Variants in CPNE7 observed in about 807,000 individuals in gnomAD.
CPNE7 encodes copine-7.
A neutral mutation model predicts 66.5 loss-of-function variants in CPNE7; 78 were observed. The observed-to-expected ratio is 1.17, with a 90% CI of 0.98 to 1.42. The LOEUF (loss-of-function observed/expected upper bound fraction) is 1.42. Among genes scored for constraint, CPNE7 ranks in the 40% most tolerant of loss-of-function variants. CPNE7 has a pLI of 0.00. For missense variants in CPNE7, 1,012 were observed against 776.6 expected, an observed-to-expected ratio of 1.30 and a Z score of -3.60; for synonymous variants, 468 against 336.7, an observed-to-expected ratio of 1.39 and a Z score of -4.27.
intron 11 of CPNE7, among the ~76,000 whole-genome samples, chr16:89,590,627 C>A (rs1453021603): frequency 1.3e-5 from 2 of 151,260 alleles, no homozygotes; most frequent in East Asian, 3.9e-4. Context: ...ACTGCTGGAT[C>A]CAGGGAGGTC....
At chr16:89,587,193 CCCCTCA>C in intron 9 of CPNE7, 91 bp downstream of exon 9, 1 of 553,392 alleles carries the variant, frequency 1.8e-6, no homozygotes, top group African/African-American at 3.0e-5. Flanking sequence ...CCCTCCCCGC[CCCCTCA>C]GTCTGTGGCC....
At chr16:89,586,801 C>G (rs765450410) in intron 8 of CPNE7, 45 bp downstream of exon 8, 2 of 1,490,590 alleles carry the variant, frequency 1.3e-6, no homozygotes, top group South Asian at 1.1e-5. Context: ...ACAAGAGGGG[C>G]TTCCGCTGCC....
At position 89,583,690 on chromosome 16, in the gene CPNE7, C is replaced by G; in HGVS notation, c.358-7C>G. Reference sequence around the variant, plus strand: ...GCCCCTCCCTGCCTGACGCCTCTGACTTACAGATTGTGGCCCAGAAGAAGG... The same window carrying G: ...GCCCCTCCCTGCCTGACGCCTCTGAGTTACAGATTGTGGCCCAGAAGAAGG... On this transcript the variant is annotated splice_polypyrimidine_tract_variant and splice_region_variant and intron_variant, in intron 2 of 14. Coordinates refer to ENST00000319518, the MANE Select transcript of CPNE7 (RefSeq NM_153636.3). 6.2e-7 allele frequency: 1 copy of G among 1,612,780 alleles called. No individual in the cohort carries two copies. Among genetic ancestry groups the G allele is most frequent in the African/African-American group, 1.3e-5 (1 of 75,040 alleles).
At chr16:89,589,117 C>T (rs1226209655) in intron 10 of CPNE7, among the ~76,000 whole-genome samples, 1 of 152,174 alleles carries the variant, frequency 6.6e-6, no homozygotes, top group African/African-American at 2.4e-5. Flanking sequence ...CATGGTGAAA[C>T]CCCATCTCTA....
At position 89,587,069 on chromosome 16, in the gene CPNE7, C is replaced by CTA. The variant is rs1274797335; in HGVS notation, c.898_899dup (p.Met301SerfsTer40). The stretch of plus-strand genomic sequence containing the variant: ...TCCACAGGGTGTACTCCTTCCTGGA[C>CTA]TATATCATGGGCGGCTGCCAGATCC... On this transcript the variant is annotated frameshift_variant, in exon 9 of 15. Coordinates refer to ENST00000319518, the MANE Select transcript of CPNE7 (RefSeq NM_153636.3). LOFTEE classifies it high-confidence loss of function. 1 of 1,579,290 alleles carries CTA rather than the reference C, an allele frequency of 6.3e-7. No homozygotes were observed. Among genetic ancestry groups the CTA allele is most frequent in the African/African-American group, 1.3e-5 (1 of 74,094 alleles).
chr16:89,577,128 A>G (rs1483504686), intron 1 of CPNE7, among the ~76,000 whole-genome samples: 2 of 151,988 alleles, frequency 1.3e-5, no homozygotes, highest in Non-Finnish European at 2.9e-5. Context: ...ACTGCATGGG[A>G]TGGGAGAGGC....
In CPNE7 at chr16:89,596,846, A is replaced by G; in HGVS notation, c.*225A>G. ...AGGCCCCCATGCCTGGCCCTGCCTG[A>G]GCCAGGTGGGTGGAGGGAGGGAGAT... is the stretch of plus-strand genomic sequence containing the variant. On this transcript the variant is annotated 3_prime_UTR_variant, in exon 15 of 15. Coordinates refer to ENST00000319518, the MANE Select transcript of CPNE7 (RefSeq NM_153636.3). 2.1e-6 allele frequency: 1 copy of G among 472,320 alleles called. No individual in the cohort carries two copies. The highest frequency in any genetic ancestry group is 3.6e-6 in the Non-Finnish European group (1 of 278,818). 29.3% of individuals were successfully genotyped at this position (472,320 alleles called of 1,614,324 possible). A position where few individuals can be genotyped will look rare whatever the true frequency, so the allele number is the denominator to read the frequency against.
At chr16:89,582,683 T>A (rs1449021579) in intron 2 of CPNE7, among the ~76,000 whole-genome samples, 1 of 152,164 alleles carries the variant, frequency 6.6e-6, no homozygotes, top group Non-Finnish European at 1.5e-5. Context: ...CTCTTCTGTG[T>A]GGAAAGTGCC....
Position 89,591,673 on chromosome 16 carries a change from C to T in CPNE7, c.1302+413C>T, listed in dbSNP as rs1473416104. Among the ~76,000 whole-genome samples the T allele has an allele frequency of 3.3e-5, 5 of 152,110 alleles. No individual in the cohort carries two copies. In the East Asian group the frequency reaches 7.7e-4, roughly 23 times the overall value. On this transcript the variant is annotated intron_variant, in intron 13 of 14. Transcript: ENST00000319518. ...TGTGGCCCTGTATGTGTCTCTGGGG[C>T]CACAGCCAGCCTGCTGCTTTCTTTT...
intron 11 of CPNE7, among the ~76,000 whole-genome samples, chr16:89,590,170 C>T (rs1025916256): frequency 3.9e-5 from 6 of 152,218 alleles, no homozygotes; most frequent in Admixed American, 6.5e-5. Flanking sequence ...AGGCCAACTC[C>T]GTGTTCCTTC....
At chr16:89,580,033 G>A (rs569411366) in intron 2 of CPNE7, among the ~76,000 whole-genome samples, 1,686 of 44,592 alleles carry the variant, frequency 0.038, 387 homozygotes, top group African/African-American at 0.1. Flanking sequence ...CCTGTCACCC[G>A]CTGACACGGA....
At chr16:89,592,633 G>A (rs1418115444) in intron 13 of CPNE7, among the ~76,000 whole-genome samples, 1 of 148,906 alleles carries the variant, frequency 6.7e-6, no homozygotes, top group Non-Finnish European at 1.5e-5. Context: ...TAGTAGAGAC[G>A]GGGTTTCACA....
At chr16:89,583,497 C>A in intron 2 of CPNE7, 200 bp from the exon 3 acceptor site, 2 of 1,556,284 alleles carry the variant, frequency 1.3e-6, no homozygotes, top group Non-Finnish European at 1.7e-6. Context: ...AGGTGGTGGA[C>A]GTGCAGGGGT....
chr16:89,588,170 C>T (rs1170050489), intron 9 of CPNE7, among the ~76,000 whole-genome samples: 1 of 99,600 alleles, frequency 1.0e-5, no homozygotes, highest in Non-Finnish European at 2.0e-5. Context: ...GTGTCACCCG[C>T]GTGTCACCCA....
In CPNE7 at chr16:89,595,576, G is replaced by T. The variant is rs144737277; in HGVS notation, c.1512G>T (p.Gln504His). ...RGEPALRDIV[Q>H]FVPFRELKNA... Reference sequence around the variant, plus strand: ...AGCCCGCGCTCCGGGACATCGTACAGTTCGTGCCCTTCCGGGAGCTCAAGA... The same window carrying T: ...AGCCCGCGCTCCGGGACATCGTACATTTCGTGCCCTTCCGGGAGCTCAAGA... Residue 504 changes from glutamine (Q) to histidine (H), a missense_variant, in exon 14 of 15, where the codon CAG (glutamine) becomes CAT (histidine). Transcript: ENST00000319518. 1.9e-6 allele frequency: 3 copies of T among 1,607,710 alleles called. No individual in the cohort carries two copies. Among genetic ancestry groups the T allele is most frequent in the South Asian group, 1.1e-5 (1 of 90,872 alleles).
intron 12 of CPNE7, 22 bp downstream of exon 12, chr16:89,591,080 G>A (rs754830577): frequency 6.2e-7 from 1 of 1,613,552 alleles, no homozygotes; most frequent in African/African-American, 1.3e-5. Context: ...AGGCAGGCCT[G>A]GGGAGGGGAG....
At chr16:89,578,189 T>C (rs2058891256) in intron 2 of CPNE7, among the ~76,000 whole-genome samples, 2 of 151,380 alleles carry the variant, frequency 1.3e-5, no homozygotes, top group Non-Finnish European at 2.9e-5. Flanking sequence ...CTCAGCCTCC[T>C]GAGTAGCTGG....
At position 89,587,085 on chromosome 16, in the gene CPNE7, T is replaced by G. The variant is rs1178396368; in HGVS notation, c.910T>G (p.Cys304Gly). 4 of 1,570,104 alleles carry G rather than the reference T, an allele frequency of 2.5e-6. No individual in the cohort carries two copies. The highest frequency in any genetic ancestry group is 3.5e-6 in the Non-Finnish European group (4 of 1,158,372). The change falls in exon 9 of 15, where the codon TGC becomes GGC. Residue 304 changes from cysteine (C) to glycine (G), a missense_variant. Coordinates refer to ENST00000319518, the MANE Select transcript of CPNE7 (RefSeq NM_153636.3). ...YSFLDYIMGG[C>G]QIHFTVAIDF... ...CTTCCTGGACTATATCATGGGCGGC[T>G]GCCAGATCCACTTCACCGTGAGTCC...
intron 10 of CPNE7, among the ~76,000 whole-genome samples, chr16:89,589,159 G>T (rs1187685234): frequency 3.3e-5 from 5 of 152,210 alleles, no homozygotes; most frequent in Admixed American, 2.0e-4. Context: ...GGGCGTGGTG[G>T]CAGATGCCTG....
Sources: allele counts gnomAD v4.1 joint callset (sites outside exome capture counted in the v4.1 genomes callset), GRCh38; gene constraint gnomAD v4.1.1; transcripts MANE v1.5; gene names NCBI Gene and HGNC (gene_info 2026-07-23, HGNC 2026-07-21).